Variants in PMFBP1 observed in about 807,000 individuals in gnomAD.
PMFBP1 encodes polyamine-modulated factor 1-binding protein 1.
Under a neutral mutation model 137.8 loss-of-function variants are expected in PMFBP1, and 131 were observed. The observed-to-expected ratio is 0.95, with a 90% CI of 0.82 to 1.10. The LOEUF (loss-of-function observed/expected upper bound fraction) is 1.10, where lower values mean the gene tolerates loss of function less well. PMFBP1 is among the 50% of genes least tolerant of loss of function. PMFBP1 has a pLI of 0.00. For missense variants in PMFBP1, 1,199 were observed against 1,175.4 expected, an observed-to-expected ratio of 1.02 and a Z score of -0.29; for synonymous variants, 490 against 450.4, an observed-to-expected ratio of 1.09 and a Z score of -1.11.
the PMFBP1 span, among the ~76,000 whole-genome samples, chr16:72,202,700 C>T: frequency 1.3e-4 from 20 of 152,324 alleles, no homozygotes; most frequent in African/African-American, 4.8e-4. Flanking sequence ...CTCACTCACG[C>T]ATCCTCCTCC....
chr16:72,124,696 G>T (rs2042426783), intron 17 of PMFBP1, 71 bp downstream of exon 17: 1 of 1,541,058 alleles, frequency 6.5e-7, no homozygotes, highest in Admixed American at 1.9e-5. Context: ...AGGGCTGTCT[G>T]GCATTTGGGT....
chr16:72,244,857 A>AAAAAC, the PMFBP1 span, among the ~76,000 whole-genome samples: 1 of 152,226 alleles, frequency 6.6e-6, no homozygotes, highest in Non-Finnish European at 1.5e-5. Context: ...GAAGGGGTTA[A>AAAAAC]AAAACAAAAC....
chr16:72,141,201 T>G (rs2042717229), intron 5 of PMFBP1, among the ~76,000 whole-genome samples: 1 of 152,178 alleles, frequency 6.6e-6, no homozygotes, highest in African/African-American at 2.4e-5. Context: ...TCTCCCAAAG[T>G]GCTGGGATTA....
chr16:72,205,787 C>G, the PMFBP1 span, among the ~76,000 whole-genome samples: 1 of 152,268 alleles, frequency 6.6e-6, no homozygotes, highest in Non-Finnish European at 1.5e-5. Context: ...GCTGCACACT[C>G]ATATTTTTAT....
rs545605051 is a variant in PMFBP1, at chr16:72,125,111, G to A, written c.2421+127C>T. The A allele has an allele frequency of 5.7e-6, 8 of 1,411,854 alleles. No individual in the cohort carries two copies. In the African/African-American group the frequency reaches 1.0e-4, roughly 18 times the overall value. 87.5% of individuals were successfully genotyped at this position (1,411,854 alleles called of 1,614,324 possible). A position where few individuals can be genotyped will look rare whatever the true frequency, so the allele number is the denominator to read the frequency against. On this transcript the variant is annotated intron_variant, in intron 16 of 20. Transcript: ENST00000237353. ...TTGCTGCCTCTGTCTGAAGTTCAGG[G>A]AGCCAAGAAAGTGGAGGGAACCTAG... is the stretch of plus-strand genomic sequence containing the variant.
chr16:72,159,467 C>T (rs1034258614), intron 3 of PMFBP1, among the ~76,000 whole-genome samples: 1 of 152,196 alleles, frequency 6.6e-6, no homozygotes, highest in Admixed American at 6.5e-5. Flanking sequence ...GCAACTCTTC[C>T]AGTACAGGAC....
At chr16:72,155,485 A>C (rs2042967289) in intron 3 of PMFBP1, among the ~76,000 whole-genome samples, 1 of 152,162 alleles carries the variant, frequency 6.6e-6, no homozygotes, top group Non-Finnish European at 1.5e-5. Flanking sequence ...TTCTAATTAG[A>C]TTATAAACTC....
Position 72,130,653 on chromosome 16 carries a change from T to G in PMFBP1, c.1517A>C (p.Lys506Thr). The change falls in exon 11 of 21, where the codon AAA becomes ACA. Residue 506 changes from lysine to threonine, a missense_variant. By Grantham distance (78) the Lys-to-Thr change is moderately conservative. Transcript: ENST00000237353. The stretch of plus-strand genomic sequence containing the variant: ...GTCCAGGAGGAGACCCTTCTGCAGT[T>G]TCCTCTGGGTGTCCTCCAGGTGACA... ...AGCHLEDTQR[K>T]LQKGLLLDKQ... 2 of 1,613,918 alleles carry G rather than the reference T, an allele frequency of 1.2e-6. No individual in the cohort carries two copies. Among genetic ancestry groups the G allele is most frequent in the Non-Finnish European group, 1.7e-6 (2 of 1,179,962 alleles).
intron 2 of PMFBP1, among the ~76,000 whole-genome samples, chr16:72,169,988 A>G (rs551159530): frequency 4.6e-5 from 7 of 152,110 alleles, no homozygotes; most frequent in South Asian, 2.1e-4. Flanking sequence ...TCAGCCACCT[A>G]TGGAACGTGG....
chr16:72,132,283 C>T (rs2042560585), intron 10 of PMFBP1, among the ~76,000 whole-genome samples: 1 of 152,174 alleles, frequency 6.6e-6, no homozygotes, highest in Non-Finnish European at 1.5e-5. Context: ...CTATTGGTGA[C>T]CTCTGAGAAA....
At chr16:72,155,663 C>T (rs2144444967) in intron 3 of PMFBP1, among the ~76,000 whole-genome samples, 1 of 152,282 alleles carries the variant, frequency 6.6e-6, no homozygotes, top group South Asian at 2.1e-4. Context: ...AATACCGTGG[C>T]TTTCAAATTT....
chr16:72,128,332 G>T, intron 14 of PMFBP1: 1 of 1,261,978 alleles, frequency 7.9e-7, no homozygotes, highest in South Asian at 1.6e-5. Flanking sequence ...ACAAGTTTTG[G>T]AAGTGTTCCC....
upstream of PMFBP1, among the ~76,000 whole-genome samples, chr16:72,175,755 C>T (rs2043256941): frequency 6.6e-6 from 1 of 152,120 alleles, no homozygotes; most frequent in Non-Finnish European, 1.5e-5. Flanking sequence ...GATTTTTCTC[C>T]AATGTTCTAC....
the PMFBP1 span, among the ~76,000 whole-genome samples, chr16:72,249,829 G>A: frequency 2.1e-5 from 3 of 144,118 alleles, no homozygotes; most frequent in Non-Finnish European, 4.5e-5. Flanking sequence ...GCTCAGGCAG[G>A]AGAATCGTTT....
At chr16:72,229,385 T>C in the PMFBP1 span, among the ~76,000 whole-genome samples, 1 of 152,206 alleles carries the variant, frequency 6.6e-6, no homozygotes, top group South Asian at 2.1e-4. Flanking sequence ...ACGAGATTGC[T>C]GGGTTGAACG....
chr16:72,205,284 T>C, the PMFBP1 span, among the ~76,000 whole-genome samples: 3 of 152,270 alleles, frequency 2.0e-5, no homozygotes, highest in Non-Finnish European at 4.4e-5. Flanking sequence ...TGTGGTGCTG[T>C]GGCAGCAAGA....
Position 72,164,770 on chromosome 16 carries a change from G to A in PMFBP1, c.159C>T (p.Ser53=), listed in dbSNP as rs1388562358. 1 of 1,588,008 alleles carries A rather than the reference G, an allele frequency of 6.3e-7. No homozygotes were observed. The highest frequency in any genetic ancestry group is 8.6e-7 in the Non-Finnish European group (1 of 1,160,474). The change falls in exon 3 of 21, where the codon AGC becomes AGT. Residue 53 remains serine (S), a synonymous_variant. Transcript: ENST00000237353. ...NQLCMEEAMN[S]SHDKKQAQAL... ...CTGCTGCCAAGTCCCTTACGTGGCT[G>A]CTGTTCATTGCCTCCTCCATGCAGA...
At chr16:72,176,053 G>C (rs545838630), upstream of PMFBP1, among the ~76,000 whole-genome samples, 1 of 152,264 alleles carries the variant, frequency 6.6e-6, no homozygotes, top group Non-Finnish European at 1.5e-5. Flanking sequence ...GGGGGAGATG[G>C]TATGAGGAGA....
At chr16:72,182,970 G>C in the PMFBP1 span, among the ~76,000 whole-genome samples, 5 of 152,062 alleles carry the variant, frequency 3.3e-5, no homozygotes, top group Non-Finnish European at 5.9e-5. Flanking sequence ...AGGTCAGTGG[G>C]GGAGGGGACT....
Sources: gnomAD v4.1 joint callset for allele counts (sites outside exome capture counted in the v4.1 genomes callset) on GRCh38, gnomAD v4.1.1 for gene constraint, MANE v1.5 for transcripts, NCBI Gene and HGNC (gene_info 2026-07-23, HGNC 2026-07-21) for gene names.